The following ROBO2 variants were observed in gnomAD, a reference collection of about 807,000 sequenced individuals.
ROBO2 encodes the protein roundabout guidance receptor 2.
In ROBO2, 53 loss-of-function variants were observed where a neutral mutation model predicts 160.8. The ratio of observed to expected loss-of-function variants is 0.33; its 90% CI spans 0.26 to 0.41. The LOEUF (loss-of-function observed/expected upper bound fraction) is 0.41, where lower values mean the gene tolerates loss of function less well. Among genes scored for constraint, ROBO2 ranks in the 10% least tolerant of loss-of-function variants. ROBO2 has a pLI of 1.00. For synonymous variants in ROBO2, 664 were observed against 611.7 expected, an observed-to-expected ratio of 1.09 and a Z score of -1.26; for missense variants, 1,577 against 1,722.4, an observed-to-expected ratio of 0.92 and a Z score of 1.49.
chr3:76,644,014 T>G (rs1368688141), intron 2 of ROBO2, among the ~76,000 whole-genome samples: 1 of 152,238 alleles, frequency 6.6e-6, no homozygotes, highest in Non-Finnish European at 1.5e-5. Context: ...ATAATTAAAT[T>G]GTCACATAAT....
At chr3:76,213,972 C>T (rs999030136) in intron 2 of ROBO2, among the ~76,000 whole-genome samples, 1 of 152,122 alleles carries the variant, frequency 6.6e-6, no homozygotes, top group African/African-American at 2.4e-5. Context: ...TGGATCTTCT[C>T]TACTCGGTCT....
chr3:76,735,601 A>G lies in ROBO2; in HGVS notation c.110-362413A>G, dbSNP rs562305412. ...ATACGGTGAAACCCCATCTCTACTA[A>G]AAACACAAAACTTATCTGGCCATAG... On this transcript the variant is annotated intron_variant, in intron 2 of 26. Coordinates refer to the ROBO2 transcript ENST00000487694. Among the ~76,000 whole-genome samples the G allele has an allele frequency of 8.6e-5, 13 of 151,946 alleles. No individual in the cohort carries two copies. In the East Asian group the frequency reaches 2.5e-3, roughly 30 times the overall value.
chr3:76,101,495 G>A (rs1312990752), intron 2 of ROBO2, among the ~76,000 whole-genome samples: 1 of 152,164 alleles, frequency 6.6e-6, no homozygotes, highest in Admixed American at 6.5e-5. Context: ...TTGGAGTCAT[G>A]ATTTTAAAGT....
At chr3:76,033,062 A>G (rs148829858) in intron 2 of ROBO2, among the ~76,000 whole-genome samples, 16 of 152,072 alleles carry the variant, frequency 1.1e-4, no homozygotes, top group African/African-American at 3.9e-4. Context: ...AAGTAAGAAT[A>G]AATAGTACTT....
intron 2 of ROBO2, among the ~76,000 whole-genome samples, chr3:77,381,425 C>T (rs1191380289): frequency 6.6e-6 from 1 of 152,136 alleles, no homozygotes; most frequent in African/African-American, 2.4e-5. Context: ...AAGCCATGAT[C>T]AGATTTCCAG....
intron 2 of ROBO2, among the ~76,000 whole-genome samples, chr3:76,275,187 C>CA (rs1173306716): frequency 6.6e-6 from 1 of 152,114 alleles, no homozygotes; most frequent in Non-Finnish European, 1.5e-5. Context: ...CAGGTGAATT[C>CA]AAATACATCT....
intron 2 of ROBO2, among the ~76,000 whole-genome samples, chr3:76,957,585 C>T (rs1425219416): frequency 1.3e-5 from 2 of 151,994 alleles, no homozygotes; most frequent in Non-Finnish European, 2.9e-5. Flanking sequence ...GTAGTCCCAG[C>T]GCTTTGGGAG....
intron 2 of ROBO2, among the ~76,000 whole-genome samples, chr3:76,401,022 A>G (rs145320125): frequency 6.6e-6 from 1 of 151,680 alleles, no homozygotes; most frequent in East Asian, 1.9e-4. Context: ...ATTATGCTTC[A>G]CATTTTTTGA....
chr3:76,048,416 G>C (rs1016156630), intron 2 of ROBO2, among the ~76,000 whole-genome samples: 2 of 152,066 alleles, frequency 1.3e-5, no homozygotes, highest in African/African-American at 4.8e-5. Context: ...TTGACACTCA[G>C]GTTTATGTTT....
intron 2 of ROBO2, among the ~76,000 whole-genome samples, chr3:76,237,548 G>T (rs572314885): frequency 1.3e-5 from 2 of 152,212 alleles, no homozygotes; most frequent in East Asian, 3.9e-4. Flanking sequence ...CTTCCTGACT[G>T]TTCAATCTAG....
At chr3:76,692,352 T>A (rs1019360207) in intron 2 of ROBO2, among the ~76,000 whole-genome samples, 4 of 152,096 alleles carry the variant, frequency 2.6e-5, no homozygotes, top group Admixed American at 6.6e-5. Context: ...AAAACCCAAG[T>A]ATGAAACTCC....
At chr3:77,463,427 T>C (rs1276388547) in intron 2 of ROBO2, among the ~76,000 whole-genome samples, 1 of 152,148 alleles carries the variant, frequency 6.6e-6, no homozygotes, top group Non-Finnish European at 1.5e-5. Flanking sequence ...TGTTTGTTTT[T>C]AGAATTATAT....
At position 76,988,630 on chromosome 3, in the gene ROBO2, C is replaced by A. The variant is rs541701712; in HGVS notation, c.110-109384C>A. On this transcript the variant is annotated intron_variant, in intron 2 of 26. Coordinates refer to the ROBO2 transcript ENST00000487694. ...GTTATTTTGATAAGTGTCTTTATTT[C>A]CACTTCAATTTGCTGGTGTTGGCCT... Among the ~76,000 whole-genome samples the A allele has an allele frequency of 2.6e-5, 4 of 152,116 alleles. No individual in the cohort carries two copies. In the South Asian group the frequency reaches 8.3e-4, roughly 32 times the overall value.
At chr3:76,420,418 C>T (rs577413887) in intron 2 of ROBO2, among the ~76,000 whole-genome samples, 4 of 152,178 alleles carry the variant, frequency 2.6e-5, no homozygotes, top group Admixed American at 6.5e-5. Context: ...TAAATGATGA[C>T]GTGTTAAAAT....
At chr3:77,196,753 A>C (rs1207046230) in intron 2 of ROBO2, among the ~76,000 whole-genome samples, 1 of 151,994 alleles carries the variant, frequency 6.6e-6, no homozygotes, top group African/African-American at 2.4e-5. Flanking sequence ...GGAGTTGCAA[A>C]CTTGTTTGCC....
chr3:77,471,255 C>A, intron 2 of ROBO2, among the ~76,000 whole-genome samples: 1 of 152,054 alleles, frequency 6.6e-6, no homozygotes. Context: ...AAAAAAAATT[C>A]TAAGAACTAT....
intron 2 of ROBO2, among the ~76,000 whole-genome samples, chr3:76,328,527 C>A (rs2073204112): frequency 6.6e-6 from 1 of 152,036 alleles, no homozygotes; most frequent in Admixed American, 6.6e-5. Context: ...GAGATCGAGA[C>A]CATCCTGGCT....
chr3:77,200,246 G>GT (rs2082708704), intron 2 of ROBO2, among the ~76,000 whole-genome samples: 1 of 94,110 alleles, frequency 1.1e-5, no homozygotes, highest in Non-Finnish European at 2.1e-5. Context: ...TTGTGTGTAT[G>GT]TATATCCTAA....
At chr3:76,053,475 T>G (rs2067723620) in intron 2 of ROBO2, among the ~76,000 whole-genome samples, 1 of 152,078 alleles carries the variant, frequency 6.6e-6, no homozygotes, top group South Asian at 2.1e-4. Context: ...AAGCAAAGAT[T>G]TGTTACAACT....
Sources: gnomAD v4.1 joint callset for allele counts (sites outside exome capture counted in the v4.1 genomes callset) on GRCh38, gnomAD v4.1.1 for gene constraint, MANE v1.5 for transcripts, NCBI Gene and HGNC (gene_info 2026-07-23, HGNC 2026-07-21) for gene names.